Variants in STK32B observed in about 807,000 individuals in gnomAD.
The protein encoded by STK32B is serine/threonine kinase 32B, also known as serine/threonine-protein kinase 32B.
A neutral mutation model predicts 52.6 loss-of-function variants in STK32B; 43 were observed. The observed-to-expected ratio is 0.82, with a 90% CI of 0.64 to 1.05. The LOEUF (loss-of-function observed/expected upper bound fraction) is 1.05, where lower values mean the gene tolerates loss of function less well. STK32B is among the 50% of genes least tolerant of loss of function. The probability of loss-of-function intolerance (pLI) is 0.00; values close to 1 mark genes in which losing one functional copy is unlikely to be tolerated. For missense variants in STK32B, 621 were observed against 534.6 expected, an observed-to-expected ratio of 1.16 and a Z score of -1.59; for synonymous variants, 238 against 204.3, an observed-to-expected ratio of 1.17 and a Z score of -1.41.
At chr4:5,289,102 T>C (rs1728722918) in intron 3 of STK32B, among the ~76,000 whole-genome samples, 1 of 152,240 alleles carries the variant, frequency 6.6e-6, no homozygotes, top group African/African-American at 2.4e-5. Flanking sequence ...CAAATTTTGA[T>C]GATATAGGGT....
At chr4:5,224,963 A>G (rs1723771497) in intron 3 of STK32B, among the ~76,000 whole-genome samples, 1 of 152,172 alleles carries the variant, frequency 6.6e-6, no homozygotes, top group Non-Finnish European at 1.5e-5. Context: ...AGGAATGCCT[A>G]TTTAAAGTGT....
chr4:5,253,801 C>T (rs1456071591), intron 3 of STK32B, among the ~76,000 whole-genome samples: 1 of 152,200 alleles, frequency 6.6e-6, no homozygotes, highest in Non-Finnish European at 1.5e-5. Flanking sequence ...GTTTTTGTCA[C>T]AACTAAAGAG....
At chr4:5,244,965 T>C (rs936338268) in intron 3 of STK32B, among the ~76,000 whole-genome samples, 2 of 152,218 alleles carry the variant, frequency 1.3e-5, no homozygotes, top group Non-Finnish European at 2.9e-5. Context: ...TTTCTGTTCT[T>C]TTGCATTTGC....
intron 2 of STK32B, among the ~76,000 whole-genome samples, chr4:5,159,576 A>AT (rs1718190853): frequency 1.7e-5 from 1 of 57,916 alleles, no homozygotes; most frequent in African/African-American, 1.0e-4. Context: ...AATATATATG[A>AT]ATATATATAT....
intron 3 of STK32B, among the ~76,000 whole-genome samples, chr4:5,302,787 T>C (rs1729649815): frequency 6.8e-6 from 1 of 147,728 alleles, no homozygotes; most frequent in African/African-American, 2.5e-5. Flanking sequence ...CCGAAGTCCA[T>C]TGTATCATTC....
At chr4:5,389,584 G>A (rs577317262) in intron 4 of STK32B, among the ~76,000 whole-genome samples, 9 of 152,192 alleles carry the variant, frequency 5.9e-5, no homozygotes, top group African/African-American at 1.9e-4. Flanking sequence ...CCTACTTTAC[G>A]TTAATCACCT....
chr4:5,124,700 A>C (rs533183843), intron 1 of STK32B, among the ~76,000 whole-genome samples: 26 of 152,334 alleles, frequency 1.7e-4, no homozygotes, highest in African/African-American at 6.0e-4. Context: ...ACACATGTGT[A>C]CATGTCTGTG....
intron 3 of STK32B, among the ~76,000 whole-genome samples, chr4:5,181,530 T>A (rs1394149043): frequency 2.6e-5 from 4 of 152,228 alleles, no homozygotes; most frequent in Admixed American, 1.3e-4. Context: ...GTCTCCACTA[T>A]TACTGCCATT....
chr4:5,097,339 T>G (rs1713459643), intron 1 of STK32B, among the ~76,000 whole-genome samples: 1 of 152,242 alleles, frequency 6.6e-6, no homozygotes, highest in South Asian at 2.1e-4. Context: ...TTGTTATTCC[T>G]TGTATTGAGT....
chr4:5,112,077 C>T (rs923524916), intron 1 of STK32B, among the ~76,000 whole-genome samples: 2 of 152,172 alleles, frequency 1.3e-5, no homozygotes, highest in Non-Finnish European at 2.9e-5. Flanking sequence ...AAGAGCTGCT[C>T]TCAGAGTACT....
intron 6 of STK32B, among the ~76,000 whole-genome samples, chr4:5,442,282 G>A (rs1272871143): frequency 2.6e-5 from 4 of 151,382 alleles, no homozygotes; most frequent in East Asian, 3.9e-4. Context: ...ATGAATCTTG[G>A]TGCTCCTGTA....
chr4:5,486,566 C>A (rs181051835), intron 11 of STK32B, among the ~76,000 whole-genome samples: 9 of 152,360 alleles, frequency 5.9e-5, no homozygotes, highest in South Asian at 4.1e-4. Context: ...CTTTGGCTCA[C>A]GCTCGGTGCG....
chr4:5,101,114 G>A (rs1713762357), intron 1 of STK32B, among the ~76,000 whole-genome samples: 1 of 152,106 alleles, frequency 6.6e-6, no homozygotes, highest in Non-Finnish European at 1.5e-5. Flanking sequence ...CAACTGTGTT[G>A]CCCAAGCTGC....
At chr4:5,091,545 G>T (rs573240846) in intron 1 of STK32B, among the ~76,000 whole-genome samples, 1 of 152,130 alleles carries the variant, frequency 6.6e-6, no homozygotes, top group South Asian at 2.1e-4. Flanking sequence ...ATACTCAATA[G>T]GATGGAATAA....
the STK32B span, among the ~76,000 whole-genome samples, chr4:5,041,430 GC>G: frequency 6.6e-6 from 1 of 152,188 alleles, no homozygotes; most frequent in Non-Finnish European, 1.5e-5. Flanking sequence ...TCACAGTACA[GC>G]TAGAATTCTC....
At chr4:5,321,581 T>TC (rs1560318131) in intron 3 of STK32B, among the ~76,000 whole-genome samples, 1 of 152,194 alleles carries the variant, frequency 6.6e-6, no homozygotes, top group African/African-American at 2.4e-5. Flanking sequence ...TGTACATTTT[T>TC]CCCACTATCT....
intron 3 of STK32B, among the ~76,000 whole-genome samples, chr4:5,202,347 T>C (rs1361968898): frequency 6.6e-6 from 1 of 152,196 alleles, no homozygotes; most frequent in Non-Finnish European, 1.5e-5. Context: ...CTTTTGAGGG[T>C]GTAGTCCCCA....
chr4:5,171,720 A>G (rs1014399607), intron 3 of STK32B, among the ~76,000 whole-genome samples: 4 of 146,896 alleles, frequency 2.7e-5, no homozygotes, highest in African/African-American at 9.7e-5. Flanking sequence ...GCCTTGTAGT[A>G]TGGTTTGAAG....
At chr4:5,194,745 G>C (rs1182829021) in intron 3 of STK32B, among the ~76,000 whole-genome samples, 1 of 152,196 alleles carries the variant, frequency 6.6e-6, no homozygotes, top group Non-Finnish European at 1.5e-5. Flanking sequence ...AACTGTAGCT[G>C]CTTCTGCTTC....
Sources: gnomAD v4.1 joint callset for allele counts (sites outside exome capture counted in the v4.1 genomes callset) on GRCh38, gnomAD v4.1.1 for gene constraint, MANE v1.5 for transcripts, NCBI Gene and HGNC (gene_info 2026-07-23, HGNC 2026-07-21) for gene names.